ANKS1B: variants seen among roughly 807,000 people sequenced by gnomAD.
ANKS1B encodes ankyrin repeat and sterile alpha motif domain-containing protein 1B.
A neutral mutation model predicts 148.3 loss-of-function variants in ANKS1B; 36 were observed. The ratio of observed to expected loss-of-function variants is 0.24; its 90% CI spans 0.19 to 0.32. ANKS1B has a LOEUF of 0.32. ANKS1B is among the 10% of genes least tolerant of loss of function. ANKS1B has a pLI of 1.00. For missense variants in ANKS1B, 1,157 were observed against 1,542.6 expected (o/e 0.75, Z 4.19); for synonymous variants, 542 against 560.8 (o/e 0.97, Z 0.47).
chr12:99,301,030 A>G (rs751351389), intron 12 of ANKS1B, among the ~76,000 whole-genome samples: 22 of 152,130 alleles, frequency 1.4e-4, no homozygotes, highest in Non-Finnish European at 2.9e-4. Flanking sequence ...CTGAGTCCGA[A>G]TCTCTGAGAA....
intron 15 of ANKS1B, among the ~76,000 whole-genome samples, chr12:99,090,498 C>T (rs2053650641): frequency 6.6e-6 from 1 of 152,066 alleles, no homozygotes. Context: ...CTATAATTAG[C>T]TAAATTAGAT....
At chr12:99,344,755 T>A (rs1218439550) in intron 12 of ANKS1B, 1 of 152,048 alleles carries the variant, frequency 6.6e-6, no homozygotes, top group Non-Finnish European at 1.5e-5. Context: ...TTTTTTGTAT[T>A]TCAAATGTAT....
intron 12 of ANKS1B, among the ~76,000 whole-genome samples, chr12:99,268,204 T>C (rs983786034): frequency 2.0e-5 from 3 of 152,178 alleles, no homozygotes; most frequent in Non-Finnish European, 4.4e-5. Flanking sequence ...CTGGGAGATG[T>C]ATATTTTAAG....
intron 9 of ANKS1B, among the ~76,000 whole-genome samples, chr12:99,599,429 A>G (rs570881935): frequency 3.9e-5 from 6 of 152,230 alleles, no homozygotes; most frequent in Non-Finnish European, 7.4e-5. Flanking sequence ...ACATGTTTAA[A>G]TTGTATTCTG....
intron 9 of ANKS1B, among the ~76,000 whole-genome samples, chr12:99,592,149 C>T (rs1398500768): frequency 6.6e-6 from 1 of 151,998 alleles, no homozygotes; most frequent in Non-Finnish European, 1.5e-5. Flanking sequence ...TTACTAGAAA[C>T]AAGATTTTCT....
chr12:98,894,618 G>A (rs1379371855), intron 17 of ANKS1B: 26 of 985,012 alleles, frequency 2.6e-5, no homozygotes, highest in Non-Finnish European at 3.0e-5. Context: ...GGGCCGCTGT[G>A]CCGCTACTCA....
intron 1 of ANKS1B, among the ~76,000 whole-genome samples, chr12:99,839,709 T>G (rs964877869): frequency 1.6e-4 from 24 of 152,280 alleles, no homozygotes; most frequent in African/African-American, 5.3e-4. Flanking sequence ...CTATAATTAC[T>G]ACACTTTTCA....
At chr12:99,431,551 C>T (rs1182798160) in intron 11 of ANKS1B, among the ~76,000 whole-genome samples, 1 of 152,172 alleles carries the variant, frequency 6.6e-6, no homozygotes, top group Non-Finnish European at 1.5e-5. Context: ...AAAGAAGGCT[C>T]TGAAAAATCA....
At chr12:99,789,368 A>T (rs1354419361) in intron 4 of ANKS1B, among the ~76,000 whole-genome samples, 1 of 152,224 alleles carries the variant, frequency 6.6e-6, no homozygotes, top group African/African-American at 2.4e-5. Flanking sequence ...AAACAGGTCC[A>T]GACTGTGAAG....
At chr12:99,483,557 T>A (rs2096445580) in intron 10 of ANKS1B, among the ~76,000 whole-genome samples, 1 of 151,994 alleles carries the variant, frequency 6.6e-6, no homozygotes, top group African/African-American at 2.4e-5. Flanking sequence ...TTTTGGAAGT[T>A]TCAGTAGGAT....
chr12:99,140,319 C>T (rs1474838890), intron 15 of ANKS1B, among the ~76,000 whole-genome samples: 1 of 152,120 alleles, frequency 6.6e-6, no homozygotes, highest in Non-Finnish European at 1.5e-5. Flanking sequence ...ACTAACTTTC[C>T]AAAGTCCTTT....
chr12:99,761,615 G>C (rs1298807027), intron 8 of ANKS1B, among the ~76,000 whole-genome samples: 1 of 151,952 alleles, frequency 6.6e-6, no homozygotes, highest in Non-Finnish European at 1.5e-5. Flanking sequence ...AAAACTAGAA[G>C]CATTTTCCTT....
intron 8 of ANKS1B, among the ~76,000 whole-genome samples, chr12:99,682,101 A>C (rs1262743241): frequency 6.6e-6 from 1 of 152,224 alleles, no homozygotes; most frequent in Non-Finnish European, 1.5e-5. Flanking sequence ...AAGTTCCCAA[A>C]TTTATAAAGC....
chr12:99,609,682 T>C (rs2097883679), intron 9 of ANKS1B, among the ~76,000 whole-genome samples: 1 of 151,782 alleles, frequency 6.6e-6, no homozygotes, highest in African/African-American at 2.4e-5. Context: ...TTCTCACAAG[T>C]CTTAAGGCCG....
At chr12:99,109,849 A>G (rs1006909949) in intron 15 of ANKS1B, among the ~76,000 whole-genome samples, 2 of 152,158 alleles carry the variant, frequency 1.3e-5, no homozygotes, top group African/African-American at 2.4e-5. Context: ...AAACAGTTTG[A>G]TATTCACCAA....
chr12:99,051,751 T>A (rs1463589506), intron 17 of ANKS1B, among the ~76,000 whole-genome samples: 1 of 152,204 alleles, frequency 6.6e-6, no homozygotes, highest in Non-Finnish European at 1.5e-5. Context: ...GGCCATACAA[T>A]CACATTAATT....
At chr12:99,553,558 T>C (rs2097245572) in intron 9 of ANKS1B, among the ~76,000 whole-genome samples, 1 of 152,198 alleles carries the variant, frequency 6.6e-6, no homozygotes, top group Admixed American at 6.5e-5. Context: ...TACTCAACTC[T>C]ACTGATTCAG....
intron 12 of ANKS1B, among the ~76,000 whole-genome samples, chr12:99,289,391 T>C (rs1173758274): frequency 6.6e-6 from 1 of 151,938 alleles, no homozygotes; most frequent in Non-Finnish European, 1.5e-5. Context: ...AGAAATATCA[T>C]AGTTAATCTA....
chr12:99,054,536 CT>C (rs2099968325), intron 16 of ANKS1B, among the ~76,000 whole-genome samples: 1 of 152,032 alleles, frequency 6.6e-6, no homozygotes, highest in Admixed American at 6.6e-5. Context: ...TAAATGTTCT[CT>C]GTTTTATTTT....
Sources: allele counts gnomAD v4.1 joint callset (sites outside exome capture counted in the v4.1 genomes callset), GRCh38; gene constraint gnomAD v4.1.1; transcripts MANE v1.5; gene names NCBI Gene and HGNC (gene_info 2026-07-23, HGNC 2026-07-21).